Variants in PTGIS observed in about 807,000 individuals in gnomAD.
The protein encoded by PTGIS is prostacyclin synthase.
Under a neutral mutation model 50.3 loss-of-function variants are expected in PTGIS, and 45 were observed. The observed-to-expected ratio is 0.90, with a 90% CI of 0.70 to 1.15. PTGIS has a LOEUF of 1.15. PTGIS is among the 50% of genes most tolerant of loss of function. The pLI, the probability that PTGIS is intolerant of heterozygous loss-of-function variation, is 0.00. For missense variants in PTGIS, 668 were observed against 661.3 expected (o/e 1.01, Z -0.11); for synonymous variants, 260 against 267.7 (o/e 0.97, Z 0.28).
intron 1 of PTGIS, among the ~76,000 whole-genome samples, chr20:49,567,789 G>T (rs915844580): frequency 6.6e-6 from 1 of 152,206 alleles, no homozygotes; most frequent in Non-Finnish European, 1.5e-5. Context: ...TTGTCGCGGT[G>T]GGCGATTCGC....
chr20:49,560,551 A>G (rs529385143), intron 1 of PTGIS, among the ~76,000 whole-genome samples: 291 of 152,200 alleles, frequency 1.9e-3, no homozygotes, highest in African/African-American at 6.7e-3. Context: ...TTAAAGAAAA[A>G]AGAAAACAGG....
At chr20:49,567,912 G>T in intron 1 of PTGIS, 131 bp downstream of exon 1, 1 of 837,030 alleles carries the variant, frequency 1.2e-6, no homozygotes, top group Non-Finnish European at 1.6e-6. Flanking sequence ...ACCTCCGAGG[G>T]TCTCGCCTTG....
rs5599 is a variant in PTGIS at position 49,506,301 on chromosome 20, G to A, written c.*1619C>T. The stretch of plus-strand genomic sequence containing the variant: ...GGCATTTAAAGGGTCTCAATAAACA[G>A]GACTTTATATTAATAAAAATAGCAT... On this transcript the variant is annotated 3_prime_UTR_variant, in exon 10 of 10. Coordinates refer to ENST00000244043, the MANE Select transcript of PTGIS (RefSeq NM_000961.4). The A allele has an allele frequency of 7.9e-4, 120 of 152,242 alleles. No individual in the cohort carries two copies. The highest frequency in any genetic ancestry group is 2.7e-3 in the African/African-American group (114 of 41,540). 9.4% of individuals were successfully genotyped at this position (152,242 alleles called of 1,614,324 possible). A position where few individuals can be genotyped will look rare whatever the true frequency, so the allele number is the denominator to read the frequency against.
At chr20:49,519,226 C>T (rs903169318) in intron 6 of PTGIS, among the ~76,000 whole-genome samples, 1 of 151,516 alleles carries the variant, frequency 6.6e-6, no homozygotes, top group Admixed American at 6.6e-5. Flanking sequence ...TCCCTGGATG[C>T]CTGAGACTCC....
chr20:49,510,883 A>G, intron 9 of PTGIS, 145 bp downstream of exon 9: 1 of 737,020 alleles, frequency 1.4e-6, no homozygotes, highest in Non-Finnish European at 2.2e-6. Flanking sequence ...TTGTAAAACC[A>G]CAAATAAGAG....
chr20:49,528,785 C>T (rs1051619727), intron 5 of PTGIS, among the ~76,000 whole-genome samples: 3 of 152,120 alleles, frequency 2.0e-5, no homozygotes, highest in South Asian at 4.1e-4. Context: ...CCAGCAACCA[C>T]GTGTTTAGTA....
intron 6 of PTGIS, among the ~76,000 whole-genome samples, chr20:49,520,658 T>A (rs922967148): frequency 3.3e-5 from 5 of 151,978 alleles, no homozygotes; most frequent in African/African-American, 1.2e-4. Context: ...GATGCTTACT[T>A]GTTTGTTTAT....
chr20:49,536,745 A>C (rs1982086905), intron 5 of PTGIS, among the ~76,000 whole-genome samples: 1 of 151,684 alleles, frequency 6.6e-6, no homozygotes, highest in Non-Finnish European at 1.5e-5. Flanking sequence ...GGCCTCCCAA[A>C]GTGCTGGGAT....
chr20:49,532,396 A>G (rs766783323), intron 5 of PTGIS, among the ~76,000 whole-genome samples: 1 of 152,062 alleles, frequency 6.6e-6, no homozygotes, highest in Non-Finnish European at 1.5e-5. Context: ...ATTTTTTTTT[A>G]ACAAAAGTCA....
rs1213119790 is a variant in PTGIS at position 49,504,598 on chromosome 20, G to T, written c.*3322C>A. The T allele has an allele frequency of 6.6e-6, 1 of 151,808 alleles. No individual in the cohort carries two copies. Among genetic ancestry groups the T allele is most frequent in the Admixed American group, 6.6e-5 (1 of 15,228 alleles). The allele number at this position is 151,808 out of a possible 1,614,324, so 9.4% of individuals were successfully genotyped here. ...AATCTCAGCTACTTGGGAAGCTGAGGCAGAAGCATTGCTTAAACCCAGGAG... is the reference window on the plus strand; with the variant it reads ...AATCTCAGCTACTTGGGAAGCTGAGTCAGAAGCATTGCTTAAACCCAGGAG... On this transcript the variant is annotated 3_prime_UTR_variant, in exon 10 of 10. Transcript: ENST00000244043.
At chr20:49,509,185 G>T (rs1465983858) in intron 9 of PTGIS, among the ~76,000 whole-genome samples, 1 of 152,212 alleles carries the variant, frequency 6.6e-6, no homozygotes, top group Non-Finnish European at 1.5e-5. Context: ...GTCTCTTCCA[G>T]CTCTGAGGCT....
intron 9 of PTGIS, among the ~76,000 whole-genome samples, chr20:49,508,386 A>G (rs1462671629): frequency 6.6e-6 from 1 of 152,280 alleles, no homozygotes; most frequent in South Asian, 2.1e-4. Flanking sequence ...CAGGCTTCAC[A>G]TTGAGACGGT....
chr20:49,545,599 G>A (rs1955011441), intron 3 of PTGIS, among the ~76,000 whole-genome samples: 2 of 152,064 alleles, frequency 1.3e-5, no homozygotes, highest in African/African-American at 4.8e-5. Context: ...TCCATGATAT[G>A]GAGTCTACAC....
chr20:49,547,771 C>T (rs1706807328), intron 3 of PTGIS, 70 bp downstream of exon 3: 2 of 1,527,000 alleles, frequency 1.3e-6, no homozygotes, highest in Admixed American at 1.7e-5. Context: ...CCAAGAATAA[C>T]TTGGGCCACA....
chr20:49,538,049 T>C (rs1331764731), intron 5 of PTGIS, among the ~76,000 whole-genome samples: 3 of 150,632 alleles, frequency 2.0e-5, no homozygotes, highest in East Asian at 1.9e-4. Flanking sequence ...AGCCCAGGAG[T>C]TGGAGACCAG....
At chr20:49,526,727 A>G (rs1981801890) in intron 5 of PTGIS, among the ~76,000 whole-genome samples, 1 of 152,238 alleles carries the variant, frequency 6.6e-6, no homozygotes, top group African/African-American at 2.4e-5. Context: ...CACATGAAAC[A>G]ATGCTCAACA....
chr20:49,546,187 G>A (rs967157321), intron 3 of PTGIS, among the ~76,000 whole-genome samples: 8 of 152,192 alleles, frequency 5.3e-5, no homozygotes, highest in African/African-American at 1.4e-4. Context: ...AACAGATGTG[G>A]CTGCTGTGCC....
Position 49,518,715 on chromosome 20 carries a change from G to A in PTGIS, c.856-4320C>T, listed in dbSNP as rs75981709. On this transcript the variant is annotated intron_variant, in intron 6 of 9. Coordinates refer to ENST00000244043, the MANE Select transcript of PTGIS (RefSeq NM_000961.4). Reference sequence around the variant, plus strand: ...TTACAGATGGTGAAACTTAAGCCCAGAAAAGTGACTTGTTTGAGGTCACAT... The same window carrying A: ...TTACAGATGGTGAAACTTAAGCCCAAAAAAGTGACTTGTTTGAGGTCACAT... Among the ~76,000 whole-genome samples the A allele has an allele frequency of 8.9e-3, 1,355 of 151,554 alleles. 21 individuals carry two copies. Among genetic ancestry groups the A allele is most frequent in the African/African-American group, 0.031 (1,291 of 41,352 alleles).
At position 49,511,015 on chromosome 20, in the gene PTGIS, GC is replaced by G; in HGVS notation, c.1358+12del. 3 of 1,611,674 alleles carry G rather than the reference GC, an allele frequency of 1.9e-6. No homozygotes were observed. The highest frequency in any genetic ancestry group is 2.5e-6 in the Non-Finnish European group (3 of 1,178,964). On this transcript the variant is annotated intron_variant, in intron 9 of 9. Transcript: ENST00000244043. ...CAGGAGCCACCCTGGCCCTGCCCTG[GC>G]CCCCCACTCACTGTTTGATGCTGTT...
Sources: gnomAD v4.1 joint callset for allele counts (sites outside exome capture counted in the v4.1 genomes callset) on GRCh38, gnomAD v4.1.1 for gene constraint, MANE v1.5 for transcripts, NCBI Gene and HGNC (gene_info 2026-07-23, HGNC 2026-07-21) for gene names.